The following NECAB2 variants were observed in gnomAD, a reference collection of about 807,000 sequenced individuals.
The protein encoded by NECAB2 is N-terminal EF-hand calcium binding protein 2, also known as N-terminal EF-hand calcium-binding protein 2.
A neutral mutation model predicts 51.9 loss-of-function variants in NECAB2; 68 were observed. That is an observed-to-expected ratio of 1.31 (90% CI 1.08 to 1.60). The LOEUF is 1.60. Ranked by LOEUF, NECAB2 falls within the 40% of genes most tolerant of loss-of-function variation. The pLI, the probability that NECAB2 is intolerant of heterozygous loss-of-function variation, is 0.00. For missense variants in NECAB2, 854 were observed against 490.3 expected, an observed-to-expected ratio of 1.74 and a Z score of -7.00; for synonymous variants, 329 against 203.5, an observed-to-expected ratio of 1.62 and a Z score of -5.25.
In NECAB2 at chr16:84,002,436, G is replaced by A. The variant is rs766129427; in HGVS notation, c.*90G>A. 19 of 1,494,392 alleles carry A rather than the reference G, an allele frequency of 1.3e-5. No homozygotes were observed. Among genetic ancestry groups the A allele is most frequent in the Non-Finnish European group, 1.3e-5 (14 of 1,075,998 alleles). 92.6% of individuals were successfully genotyped at this position (1,494,392 alleles called of 1,614,324 possible). On this transcript the variant is annotated 3_prime_UTR_variant, in exon 13 of 13. Transcript: ENST00000305202. ...TTTTCTAGACAGACACTTTGGTGCAGAAGCTTCTTTTCAATCCATCCTCCA... is the reference window on the plus strand; with the variant it reads ...TTTTCTAGACAGACACTTTGGTGCAAAAGCTTCTTTTCAATCCATCCTCCA...
intron 3 of NECAB2, 21 bp downstream of exon 3, chr16:83,978,573 G>T: frequency 6.3e-7 from 1 of 1,589,602 alleles, no homozygotes; most frequent in Non-Finnish European, 8.6e-7. Flanking sequence ...GTCCTGGCTG[G>T]CAGAGTGGGG....
chr16:83,999,219 C>T (rs543982267), intron 10 of NECAB2, among the ~76,000 whole-genome samples: 280 of 152,192 alleles, frequency 1.8e-3, no homozygotes, highest in South Asian at 0.012. Flanking sequence ...CGGCCGTTCC[C>T]GAGACTCGGC....
chr16:83,994,332 G>A lies in NECAB2; in HGVS notation c.627G>A (p.Ala209=), dbSNP rs151283204. Residue 209 remains alanine, a synonymous_variant, in exon 7 of 13, where the codon GCG becomes GCA. Coordinates refer to ENST00000305202, the MANE Select transcript of NECAB2 (RefSeq NM_019065.3). ...ACCACATCAAACCCAGCCACAGCGCGGCACAGACCTGGTGTGGAAGCCCCA... is the reference window on the plus strand; with the variant it reads ...ACCACATCAAACCCAGCCACAGCGCAGCACAGACCTGGTGTGGAAGCCCCA... ...RQNHIKPSHS[A]AQTWCGSPTP... 1.0e-4 allele frequency: 167 copies of A among 1,614,182 alleles called. No homozygotes were observed. Among genetic ancestry groups the A allele is most frequent in the African/African-American group, 1.0e-3 (76 of 75,030 alleles).
At chr16:83,972,253 A>T in intron 2 of NECAB2, 78 bp downstream of exon 2, 1 of 1,599,834 alleles carries the variant, frequency 6.3e-7, no homozygotes, top group Non-Finnish European at 8.6e-7. Context: ...CAGGGATAGG[A>T]GACAAGCGCA....
At chr16:83,965,513 G>A (rs1325850791), upstream of NECAB2, 26 of 1,612,048 alleles carry the variant, frequency 1.6e-5, no homozygotes, top group Non-Finnish European at 2.2e-5. Context: ...GGTGATCCAT[G>A]CCTTCCGCCG....
chr16:83,994,333 G>C lies in NECAB2; in HGVS notation c.628G>C (p.Ala210Pro). The C allele has an allele frequency of 1.2e-6, 2 of 1,614,176 alleles. No homozygotes were observed. ...QNHIKPSHSA[A>P]QTWCGSPTPA... ...CCACATCAAACCCAGCCACAGCGCG[G>C]CACAGACCTGGTGTGGAAGCCCCAC... is the stretch of plus-strand genomic sequence containing the variant. The change falls in exon 7 of 13, where the codon GCA becomes CCA. Residue 210 changes from alanine to proline, a missense_variant. Transcript: ENST00000305202.
chr16:83,993,399 G>C (rs1170858376), intron 6 of NECAB2: 4 of 153,018 alleles, frequency 2.6e-5, no homozygotes, highest in Non-Finnish European at 5.9e-5. Context: ...AGTGTTCAAG[G>C]TTCACAAGAG....
At chr16:83,996,181 C>T (rs749047230) in intron 8 of NECAB2, among the ~76,000 whole-genome samples, 1 of 152,192 alleles carries the variant, frequency 6.6e-6, no homozygotes, top group Non-Finnish European at 1.5e-5. Flanking sequence ...ATACAGGGGC[C>T]ACAGTGCCTC....
chr16:84,001,192 G>T (rs1341766262), intron 11 of NECAB2, among the ~76,000 whole-genome samples: 1 of 151,830 alleles, frequency 6.6e-6, no homozygotes, highest in Non-Finnish European at 1.5e-5. Flanking sequence ...CCCTCCAGCT[G>T]AGTGCCCGGT....
chr16:83,978,482 T>G lies in NECAB2; in HGVS notation c.265T>G (p.Phe89Val). The change falls in exon 3 of 13, where the codon TTT becomes GTT. Residue 89 changes from phenylalanine to valine, a missense_variant. Transcript: ENST00000305202. ...GTCCTTGGAGGAATTCCAGCTCTTC[T>G]TTGCAGATGGCGTCCTTAATGAGAA... is the stretch of plus-strand genomic sequence containing the variant. ...KLSLEEFQLF[F>V]ADGVLNEKEL... The G allele has an allele frequency of 6.2e-7, 1 of 1,614,090 alleles. No homozygotes were observed. The highest frequency in any genetic ancestry group is 8.5e-7 in the Non-Finnish European group (1 of 1,180,018).
chr16:83,987,974 C>G (rs1029818570), intron 5 of NECAB2, among the ~76,000 whole-genome samples: 1 of 152,282 alleles, frequency 6.6e-6, no homozygotes, highest in African/African-American at 2.4e-5. Flanking sequence ...TGCCTTTTAT[C>G]ATTATATTCC....
chr16:83,985,922 G>A (rs897852686), intron 5 of NECAB2, among the ~76,000 whole-genome samples: 6 of 152,076 alleles, frequency 3.9e-5, no homozygotes, highest in Admixed American at 1.3e-4. Context: ...TCCTTTCTTC[G>A]TTATGAAATA....
intron 6 of NECAB2, among the ~76,000 whole-genome samples, chr16:83,991,097 C>T (rs551627116): frequency 1.3e-5 from 2 of 151,982 alleles, no homozygotes; most frequent in African/African-American, 4.8e-5. Flanking sequence ...ATTCTCATGC[C>T]TCAGCCTCCT....
chr16:83,984,489 G>A (rs549021636), intron 5 of NECAB2, among the ~76,000 whole-genome samples: 11 of 152,116 alleles, frequency 7.2e-5, no homozygotes, highest in East Asian at 5.8e-4. Context: ...TTGGGAGGCC[G>A]AGGCGGGAGG....
At chr16:83,977,167 A>G (rs1191819167) in intron 2 of NECAB2, among the ~76,000 whole-genome samples, 2 of 152,220 alleles carry the variant, frequency 1.3e-5, no homozygotes, top group Non-Finnish European at 2.9e-5. Flanking sequence ...CCAGCTTTGA[A>G]TGCAGATCCT....
intron 6 of NECAB2, among the ~76,000 whole-genome samples, chr16:83,992,212 T>C (rs1389761307): frequency 1.3e-5 from 2 of 151,380 alleles, no homozygotes; most frequent in Non-Finnish European, 2.9e-5. Flanking sequence ...AGTGTTTCTT[T>C]CTGGTCTTGT....
At chr16:83,969,460 C>T (rs1185110996) in intron 1 of NECAB2, among the ~76,000 whole-genome samples, 1 of 152,062 alleles carries the variant, frequency 6.6e-6, no homozygotes, top group African/African-American at 2.4e-5. Context: ...GCTGGTACCC[C>T]TCTGGTCTTC....
chr16:83,979,690 G>T (rs2084459858), intron 3 of NECAB2, among the ~76,000 whole-genome samples: 1 of 151,740 alleles, frequency 6.6e-6, no homozygotes, highest in Admixed American at 6.6e-5. Flanking sequence ...AGAGGAGGGG[G>T]TGGAGGCGGA....
At chr16:83,966,895 G>C (rs1356092216), upstream of NECAB2, among the ~76,000 whole-genome samples, 1 of 149,778 alleles carries the variant, frequency 6.7e-6, no homozygotes, top group African/African-American at 2.5e-5. Context: ...TCTTTTTTTT[G>C]AGACAGAGTC....
Sources: allele counts gnomAD v4.1 joint callset (sites outside exome capture counted in the v4.1 genomes callset), GRCh38; gene constraint gnomAD v4.1.1; transcripts MANE v1.5; gene names NCBI Gene and HGNC (gene_info 2026-07-23, HGNC 2026-07-21).